The following ATP10D variants were observed in gnomAD, a reference collection of about 807,000 sequenced individuals.
The protein encoded by ATP10D is phospholipid-transporting ATPase VD.
ATP10D carries 89 observed loss-of-function variants against 144.8 expected under a neutral mutation model. The ratio of observed to expected loss-of-function variants is 0.61; its 90% CI spans 0.52 to 0.73. The LOEUF (loss-of-function observed/expected upper bound fraction) is 0.73. Ranked by LOEUF, ATP10D falls within the 30% of genes least tolerant of loss-of-function variation. ATP10D has a pLI of 0.00. For missense variants in ATP10D, 1,603 were observed against 1,714.8 expected, an observed-to-expected ratio of 0.93 and a Z score of 1.15; for synonymous variants, 571 against 615.1, an observed-to-expected ratio of 0.93 and a Z score of 1.06.
intron 1 of ATP10D, among the ~76,000 whole-genome samples, chr4:47,502,289 G>T (rs1335198034): frequency 6.6e-6 from 1 of 152,074 alleles, no homozygotes; most frequent in African/African-American, 2.4e-5. Context: ...GGCTAACACG[G>T]TGAAACCCCG....
intron 22 of ATP10D, 40 bp downstream of exon 22, chr4:47,587,246 C>G: frequency 6.4e-7 from 1 of 1,558,284 alleles, no homozygotes; most frequent in Non-Finnish European, 8.8e-7. Flanking sequence ...TAAATGGAAT[C>G]ATAGGCTAAG....
At chr4:47,502,432 T>C (rs1228820722) in intron 1 of ATP10D, among the ~76,000 whole-genome samples, 2 of 151,198 alleles carry the variant, frequency 1.3e-5, no homozygotes, top group South Asian at 4.2e-4. Flanking sequence ...ATAGCGCCAC[T>C]GCACTCCAGC....
At chr4:47,549,078 A>G (rs1718588990) in intron 10 of ATP10D, among the ~76,000 whole-genome samples, 1 of 152,228 alleles carries the variant, frequency 6.6e-6, no homozygotes, top group Non-Finnish European at 1.5e-5. Context: ...GCCTTTGGGC[A>G]TTAGAATGTC....
At chr4:47,522,327 G>C (rs548011778) in intron 3 of ATP10D, among the ~76,000 whole-genome samples, 7 of 152,180 alleles carry the variant, frequency 4.6e-5, no homozygotes, top group South Asian at 2.1e-4. Context: ...TGTGTCTTAT[G>C]CATCTTCAGA....
At chr4:47,531,127 T>C (rs1164404701) in intron 5 of ATP10D, among the ~76,000 whole-genome samples, 1 of 152,086 alleles carries the variant, frequency 6.6e-6, no homozygotes, top group Non-Finnish European at 1.5e-5. Flanking sequence ...TATAAATCCA[T>C]CTGGCCCTGG....
intron 4 of ATP10D, 35 bp downstream of exon 4, chr4:47,523,251 C>T (rs1253883624): frequency 5.2e-6 from 8 of 1,542,430 alleles, no homozygotes; most frequent in Non-Finnish European, 7.2e-6. Context: ...GGCTTATTAA[C>T]ATTTTTTTTC....
intron 19 of ATP10D, 149 bp downstream of exon 19, chr4:47,577,122 C>T: frequency 5.6e-6 from 4 of 717,304 alleles, no homozygotes. Context: ...GGCAGATATT[C>T]ACTTACTTAA....
At chr4:47,494,374 G>A (rs937032856) in intron 1 of ATP10D, among the ~76,000 whole-genome samples, 16 of 152,070 alleles carry the variant, frequency 1.1e-4, no homozygotes, top group African/African-American at 3.9e-4. Flanking sequence ...GGAACGATAC[G>A]CCTACTGTGA....
At chr4:47,590,157 T>G (rs1000720339) in intron 22 of ATP10D, among the ~76,000 whole-genome samples, 1 of 152,080 alleles carries the variant, frequency 6.6e-6, no homozygotes, top group African/African-American at 2.4e-5. Context: ...TCTACAGTAA[T>G]ATGGAAAGCA....
In ATP10D at chr4:47,582,017, G is replaced by A. The variant is rs762466294; in HGVS notation, c.3706G>A (p.Ala1236Thr). ...FAFGNPLNTA[A>T]LFIVLLHLVI... ...ATTTGGAAACCCCCTGAACACAGCC[G>A]CTCTGTTCATCGTTCTCCTCCATCT... Residue 1236 changes from alanine (A) to threonine (T), a missense_variant, in exon 21 of 23, where the codon GCT becomes ACT. Ala to Thr is a moderately conservative substitution (Grantham distance 58). Coordinates refer to ENST00000273859, the MANE Select transcript of ATP10D (RefSeq NM_020453.4). 46 of 1,613,924 alleles carry A rather than the reference G, an allele frequency of 2.9e-5. No individual in the cohort carries two copies. The African/African-American group carries it at 4.1e-4, about 15-fold the overall frequency.
intron 21 of ATP10D, among the ~76,000 whole-genome samples, chr4:47,586,262 G>A (rs1013052558): frequency 2.0e-5 from 3 of 152,132 alleles, no homozygotes; most frequent in African/African-American, 4.8e-5. Context: ...TTAGTGAACC[G>A]ATGTTAAGAA....
At chr4:47,534,563 A>T (rs1162053853) in intron 5 of ATP10D, among the ~76,000 whole-genome samples, 1 of 152,148 alleles carries the variant, frequency 6.6e-6, no homozygotes, top group African/African-American at 2.4e-5. Flanking sequence ...CCATTGTAAG[A>T]TTAGTGTTAT....
chr4:47,535,375 G>A, intron 5 of ATP10D, 134 bp from the exon 6 acceptor site: 1 of 627,602 alleles, frequency 1.6e-6, no homozygotes, highest in Non-Finnish European at 2.6e-6. Context: ...AAAGTAAATG[G>A]GCCAGAGATT....
intron 9 of ATP10D, among the ~76,000 whole-genome samples, chr4:47,540,098 A>G (rs1718058276): frequency 6.6e-6 from 1 of 151,056 alleles, no homozygotes; most frequent in Non-Finnish European, 1.5e-5. Context: ...AATTAAACAC[A>G]TGTGTATACA....
In ATP10D at chr4:47,592,582, C is replaced by CTAT. The variant is rs1259476077; in HGVS notation, c.*1203_*1205dup. The CTAT allele has an allele frequency of 1.3e-5, 2 of 152,448 alleles. No individual in the cohort carries two copies. The highest frequency in any genetic ancestry group is 2.9e-5 in the Non-Finnish European group (2 of 67,972). 9.4% of individuals were successfully genotyped at this position (152,448 alleles called of 1,614,324 possible). On this transcript the variant is annotated 3_prime_UTR_variant, in exon 23 of 23. Coordinates refer to ENST00000273859, the MANE Select transcript of ATP10D (RefSeq NM_020453.4). ...TTGAAGTTCTTTTGAAGTCCTATCT[C>CTAT]TATTTATTATATTTGAAAGTTGTCA...
At chr4:47,536,299 T>C (rs533644324) in intron 7 of ATP10D, 138 bp from the exon 8 acceptor site, 34 of 1,200,710 alleles carry the variant, frequency 2.8e-5, no homozygotes, top group Non-Finnish European at 3.9e-5. Context: ...CCTTTTGAAT[T>C]TGAATTTTGT....
intron 9 of ATP10D, among the ~76,000 whole-genome samples, chr4:47,545,028 A>G (rs1718342587): frequency 6.6e-6 from 1 of 152,226 alleles, no homozygotes; most frequent in African/African-American, 2.4e-5. Context: ...ATAAGGTGGT[A>G]TAATATAAAA....
chr4:47,526,584 T>G (rs1234759800), intron 5 of ATP10D, among the ~76,000 whole-genome samples: 1 of 152,200 alleles, frequency 6.6e-6, no homozygotes, highest in Non-Finnish European at 1.5e-5. Context: ...AGTAAAACTA[T>G]CTTTTATTCA....
intron 1 of ATP10D, among the ~76,000 whole-genome samples, chr4:47,494,223 T>C (rs1314193492): frequency 6.6e-6 from 1 of 152,134 alleles, no homozygotes; most frequent in East Asian, 1.9e-4. Context: ...GTAAGACTTT[T>C]TCCCCCCGGT....
Sources: gnomAD v4.1 joint callset for allele counts (sites outside exome capture counted in the v4.1 genomes callset) on GRCh38, gnomAD v4.1.1 for gene constraint, MANE v1.5 for transcripts, NCBI Gene and HGNC (gene_info 2026-07-23, HGNC 2026-07-21) for gene names.